The following PIP5K1B variants were observed in gnomAD, a reference collection of about 807,000 sequenced individuals.
PIP5K1B encodes the protein phosphatidylinositol-4-phosphate 5-kinase type 1 beta.
In PIP5K1B, 42 loss-of-function variants were observed where a neutral mutation model predicts 67.0. The ratio of observed to expected loss-of-function variants is 0.63; its 90% CI spans 0.49 to 0.81. The LOEUF (loss-of-function observed/expected upper bound fraction) is 0.81. PIP5K1B is among the 30% of genes least tolerant of loss of function. The pLI, the probability that PIP5K1B is intolerant of heterozygous loss-of-function variation, is 0.00. For synonymous variants in PIP5K1B, 214 were observed against 231.4 expected (o/e 0.92, Z 0.68); for missense variants, 459 against 646.3 (o/e 0.71, Z 3.14).
intron 8 of PIP5K1B, among the ~76,000 whole-genome samples, chr9:68,913,907 A>G (rs1405342048): frequency 6.6e-6 from 1 of 152,104 alleles, no homozygotes; most frequent in African/African-American, 2.4e-5. Flanking sequence ...GGATCAGGAT[A>G]GTGTCTTACT....
intron 3 of PIP5K1B, among the ~76,000 whole-genome samples, chr9:68,819,467 C>T (rs985169994): frequency 1.3e-5 from 2 of 152,138 alleles, no homozygotes; most frequent in African/African-American, 4.8e-5. Flanking sequence ...GAGATGAGTT[C>T]TCACTGTTTT....
intron 4 of PIP5K1B, among the ~76,000 whole-genome samples, chr9:68,852,246 A>G (rs2132209051): frequency 6.6e-6 from 1 of 152,304 alleles, no homozygotes; most frequent in Non-Finnish European, 1.5e-5. Context: ...AAAGAAAAAA[A>G]GAAAGACTCT....
intron 15 of PIP5K1B, among the ~76,000 whole-genome samples, chr9:69,004,392 G>C (rs1376374059): frequency 2.6e-5 from 4 of 151,668 alleles, no homozygotes; most frequent in African/African-American, 7.3e-5. Flanking sequence ...CCTGGGGACA[G>C]AGCTGAAATG....
At chr9:68,961,449 A>G (rs1026056971) in intron 14 of PIP5K1B, among the ~76,000 whole-genome samples, 5 of 152,234 alleles carry the variant, frequency 3.3e-5, no homozygotes, top group African/African-American at 1.2e-4. Flanking sequence ...TGGTATACAT[A>G]TGATATATCA....
At chr9:68,935,239 G>T (rs1267370037) in intron 13 of PIP5K1B, among the ~76,000 whole-genome samples, 194 bp downstream of exon 13, 2 of 152,158 alleles carry the variant, frequency 1.3e-5, no homozygotes, top group African/African-American at 2.4e-5. Context: ...GGCCTAGGTG[G>T]GTGGATCACT....
At chr9:68,755,216 T>C (rs1587394262) in intron 2 of PIP5K1B, among the ~76,000 whole-genome samples, 1 of 152,292 alleles carries the variant, frequency 6.6e-6, no homozygotes, top group African/African-American at 2.4e-5. Flanking sequence ...AAAAAAGAAA[T>C]GTTTTCCTTT....
intron 14 of PIP5K1B, among the ~76,000 whole-genome samples, chr9:68,977,044 T>C (rs1419985009): frequency 6.6e-6 from 1 of 152,242 alleles, no homozygotes; most frequent in Non-Finnish European, 1.5e-5. Flanking sequence ...TGGCCCATAC[T>C]GCCATTTTTT....
intron 14 of PIP5K1B, among the ~76,000 whole-genome samples, chr9:68,957,367 A>G (rs1828456823): frequency 6.6e-6 from 1 of 152,164 alleles, no homozygotes; most frequent in African/African-American, 2.4e-5. Flanking sequence ...TCTAGCTGCA[A>G]AGGAGGCTGG....
At chr9:68,754,646 C>T (rs11143619) in intron 2 of PIP5K1B, among the ~76,000 whole-genome samples, 4 of 151,982 alleles carry the variant, frequency 2.6e-5, no homozygotes, top group African/African-American at 9.7e-5. Context: ...ATTTTATTTT[C>T]AGGTGATTCT....
chr9:68,753,337 T>C (rs1443674382), intron 2 of PIP5K1B, among the ~76,000 whole-genome samples: 1 of 132,696 alleles, frequency 7.5e-6, no homozygotes, highest in African/African-American at 3.0e-5. Flanking sequence ...CCCCACATTT[T>C]CTTGATTTTT....
intron 4 of PIP5K1B, among the ~76,000 whole-genome samples, chr9:68,835,451 G>A (rs535801470): frequency 6.6e-6 from 1 of 152,322 alleles, no homozygotes; most frequent in Admixed American, 6.5e-5. Flanking sequence ...CACTGTATGA[G>A]AAGGTACCAG....
At chr9:68,943,803 C>T (rs565665886) in intron 14 of PIP5K1B, among the ~76,000 whole-genome samples, 1 of 152,136 alleles carries the variant, frequency 6.6e-6, no homozygotes, top group Non-Finnish European at 1.5e-5. Context: ...TGTATCTGTG[C>T]TAAAATAAGC....
chr9:68,719,204 T>C (rs1481308119), intron 1 of PIP5K1B, among the ~76,000 whole-genome samples: 1 of 152,240 alleles, frequency 6.6e-6, no homozygotes, highest in Non-Finnish European at 1.5e-5. Flanking sequence ...ATATTGATAA[T>C]GTGTTTACTA....
At chr9:68,817,712 C>CTT (rs1156788129) in intron 2 of PIP5K1B, among the ~76,000 whole-genome samples, 1,393 of 93,608 alleles carry the variant, frequency 0.015, 31 homozygotes, top group Non-Finnish European at 0.019. Context: ...AGACCTCATT[C>CTT]TTTTTTTTTT....
In PIP5K1B at chr9:68,903,691, A is replaced by T. The variant is rs1825474812; in HGVS notation, c.771+9053A>T. ...AATCCATGCAAGATAGTGTCAGGGTAGCTACAAAAATCAAAATAACTCTAT... is the reference window on the plus strand; with the variant it reads ...AATCCATGCAAGATAGTGTCAGGGTTGCTACAAAAATCAAAATAACTCTAT... On this transcript the variant is annotated intron_variant, in intron 8 of 15. Transcript: ENST00000265382. Among the ~76,000 whole-genome samples, 2 of 152,190 alleles carry T rather than the reference A, an allele frequency of 1.3e-5. 1 individual carries two copies. The highest frequency in any genetic ancestry group is 4.8e-5 in the African/African-American group (2 of 41,450).
At chr9:68,925,315 G>A (rs7875472) in intron 12 of PIP5K1B, among the ~76,000 whole-genome samples, 130,093 of 151,988 alleles carry the variant, frequency 0.86, 58,133 homozygotes, top group South Asian at 0.99. Context: ...ACGTAACTGC[G>A]CAGATAGATT....
At chr9:68,897,801 GC>G (rs1825163288) in intron 8 of PIP5K1B, among the ~76,000 whole-genome samples, 1 of 151,702 alleles carries the variant, frequency 6.6e-6, no homozygotes, top group Admixed American at 6.6e-5. Flanking sequence ...CTGCTTCTTG[GC>G]GCCCCCACCT....
At chr9:68,827,883 A>G (rs980929720) in intron 4 of PIP5K1B, among the ~76,000 whole-genome samples, 1 of 152,208 alleles carries the variant, frequency 6.6e-6, no homozygotes, top group African/African-American at 2.4e-5. Flanking sequence ...GGATGGTCTC[A>G]ATGCAAGTCA....
chr9:69,008,251 G>A (rs1355857226), intron 15 of PIP5K1B, among the ~76,000 whole-genome samples, 196 bp from the exon 16 acceptor site: 1 of 152,180 alleles, frequency 6.6e-6, no homozygotes, highest in Non-Finnish European at 1.5e-5. Flanking sequence ...AAACATTGGT[G>A]TAATTAACAG....
Sources: allele counts gnomAD v4.1 joint callset (sites outside exome capture counted in the v4.1 genomes callset), GRCh38; gene constraint gnomAD v4.1.1; transcripts MANE v1.5; gene names NCBI Gene and HGNC (gene_info 2026-07-23, HGNC 2026-07-21).